Variants in HMGN2 observed in about 807,000 individuals in gnomAD.
HMGN2 encodes non-histone chromosomal protein HMG-17.
A neutral mutation model predicts 16.9 loss-of-function variants in HMGN2; 2 were observed. That is an observed-to-expected ratio of 0.12 (90% CI 0.05 to 0.37). HMGN2 has a LOEUF of 0.37. Ranked by LOEUF, HMGN2 falls within the 10% of genes least tolerant of loss-of-function variation. HMGN2 has a pLI of 1.00. For missense variants in HMGN2, 90 were observed against 106.0 expected (o/e 0.85, Z 0.66); for synonymous variants, 31 against 34.9 (o/e 0.89, Z 0.39).
At position 26,475,626 on chromosome 1, in the gene HMGN2, G is replaced by A; in HGVS notation, c.*478G>A. 1 of 319,562 alleles carries A rather than the reference G, an allele frequency of 3.1e-6. No homozygotes were observed. The highest frequency in any genetic ancestry group is 2.4e-5 in the South Asian group (1 of 40,996). The allele number at this position is 319,562 out of a possible 1,614,324, so 19.8% of individuals were successfully genotyped here. On this transcript the variant is annotated 3_prime_UTR_variant, in exon 6 of 6. Transcript: ENST00000361427. ...ACTTTCCAGTGATGCCACTGAGATG[G>A]CACCTGTCAAAAGAGCAGTGGTTCC... is the stretch of plus-strand genomic sequence containing the variant.
intron 5 of HMGN2, 58 bp downstream of exon 5, chr1:26,474,725 A>G: frequency 1.2e-6 from 1 of 837,136 alleles, no homozygotes; most frequent in East Asian, 2.5e-5. Context: ...TGCTGATATC[A>G]AAAATTTAAT....
chr1:26,476,441 T>C lies in HMGN2; in HGVS notation c.*1293T>C, dbSNP rs181900008. On this transcript the variant is annotated 3_prime_UTR_variant, in exon 6 of 6. Coordinates refer to ENST00000361427, the MANE Select transcript of HMGN2 (RefSeq NM_005517.4). ...AGGTAGATGACACTTTGCTCCTAAG[T>C]AGACCTGCAAACAAAGACAATGGGG... is the stretch of plus-strand genomic sequence containing the variant. Among the ~76,000 whole-genome samples, 230 of 152,312 alleles carry C rather than the reference T, an allele frequency of 1.5e-3. 1 individual carries two copies. Among genetic ancestry groups the C allele is most frequent in the Non-Finnish European group, 2.2e-3 (152 of 68,020 alleles).
chr1:26,472,890 G>GCCGCCC (rs1213647183), intron 1 of HMGN2, among the ~76,000 whole-genome samples: 1 of 151,664 alleles, frequency 6.6e-6, no homozygotes, highest in Non-Finnish European at 1.5e-5. Flanking sequence ...CCTCGGGCTC[G>GCCGCCC]CCGCCCCCGC....
Position 26,475,171 on chromosome 1 carries a change from GTGTACTTCTGGTGAC to G in HMGN2, c.*29_*43del, listed in dbSNP as rs1557462080. 3 of 1,465,950 alleles carry G rather than the reference GTGTACTTCTGGTGAC, an allele frequency of 2.0e-6. No individual in the cohort carries two copies. Among genetic ancestry groups the G allele is most frequent in the Non-Finnish European group, 2.9e-6 (3 of 1,047,878 alleles). The allele number at this position is 1,465,950 out of a possible 1,614,324, so 90.8% of individuals were successfully genotyped here. A position where few individuals can be genotyped will look rare whatever the true frequency, so the allele number is the denominator to read the frequency against. ...TGAAGTGTGTGCATTTTTGATAACTGTGTACTTCTGGTGACTGTACAGTTTGAAATACTATTTTTT... is the reference window on the plus strand; with the variant it reads ...TGAAGTGTGTGCATTTTTGATAACTGTGTACAGTTTGAAATACTATTTTTT... On this transcript the variant is annotated 3_prime_UTR_variant, in exon 6 of 6. Transcript: ENST00000361427.
At position 26,473,267 on chromosome 1, in the gene HMGN2, C is replaced by G. The variant is rs576944314; in HGVS notation, c.16-216C>G. 1.9e-5 allele frequency: 11 copies of G among 573,782 alleles called. No individual in the cohort carries two copies. The East Asian group carries it at 3.2e-4, about 17-fold the overall frequency. The allele number at this position is 573,782 out of a possible 1,614,324, so 35.5% of individuals were successfully genotyped here. ...CGGTGGTGCGGGCTCCGCTGCCCTC[C>G]CCGGCTGCGCTCCGGTCCAGCCCTC... On this transcript the variant is annotated intron_variant, in intron 1 of 5. Transcript: ENST00000361427.
In HMGN2 at chr1:26,472,534, C is replaced by T. The variant is rs1441583731; in HGVS notation, c.-79C>T. The T allele has an allele frequency of 7.3e-6, 11 of 1,515,222 alleles. No homozygotes were observed. The highest frequency in any genetic ancestry group is 4.1e-5 in the African/African-American group (3 of 72,380). 93.9% of individuals were successfully genotyped at this position (1,515,222 alleles called of 1,614,324 possible). A position where few individuals can be genotyped will look rare whatever the true frequency, so the allele number is the denominator to read the frequency against. On this transcript the variant is annotated 5_prime_UTR_variant, in exon 1 of 6. Transcript: ENST00000361427. ...CAGTGTGAAGAAGAGGCGAGAACGA[C>T]CCCCGGACCGACCAAAGCCCGCGCG...
chr1:26,473,721 A>G lies in HMGN2; in HGVS notation c.79A>G (p.Arg27Gly), dbSNP rs2124570057. The change falls in exon 3 of 6, where the codon AGG becomes GGG. Residue 27 changes from arginine (R) to glycine (G), a missense_variant. Physicochemically the swap from Arg to Gly is moderately radical, Grantham distance 125. Transcript: ENST00000361427. ...VKDEPQRRSA[R>G]LSAKPAPPKP... ...TTAATAGCCACAGAGAAGATCCGCG[A>G]GGTTGTCTGCTGTAAGTGTATGCTT... 1 of 1,613,768 alleles carries G rather than the reference A, an allele frequency of 6.2e-7. No homozygotes were observed. Among genetic ancestry groups the G allele is most frequent in the Non-Finnish European group, 8.5e-7 (1 of 1,179,904 alleles).
At chr1:26,474,692 T>G in intron 5 of HMGN2, 25 bp downstream of exon 5, 1 of 1,110,700 alleles carries the variant, frequency 9.0e-7, no homozygotes, top group South Asian at 1.3e-5. Context: ...TCACCCTTTG[T>G]TAGATTTGTT....
intron 5 of HMGN2, chr1:26,474,912 T>C: frequency 1.6e-6 from 1 of 611,124 alleles, no homozygotes; most frequent in South Asian, 2.0e-5. Flanking sequence ...CTGGTGTTCT[T>C]CCTACCTCAA....
rs780379104 is a variant in HMGN2 at position 26,475,190 on chromosome 1, A to G, written c.*42A>G. 7.9e-7 allele frequency: 1 copy of G among 1,259,328 alleles called. No homozygotes were observed. Among genetic ancestry groups the G allele is most frequent in the Non-Finnish European group, 1.1e-6 (1 of 878,608 alleles). 78.0% of individuals were successfully genotyped at this position (1,259,328 alleles called of 1,614,324 possible). On this transcript the variant is annotated 3_prime_UTR_variant, in exon 6 of 6. Transcript: ENST00000361427. ...ATAACTGTGTACTTCTGGTGACTGTACAGTTTGAAATACTATTTTTTATCA... is the reference window on the plus strand; with the variant it reads ...ATAACTGTGTACTTCTGGTGACTGTGCAGTTTGAAATACTATTTTTTATCA...
rs753972007 is a variant in HMGN2, at chr1:26,474,679, GT to G, written c.237+15del. On this transcript the variant is annotated intron_variant, in intron 5 of 5. Transcript: ENST00000361427. ...CCAAAACAGACCAGGTATAACTGCT[GT>G]TTCACCCTTTGTTAGATTTGTTCAT... 2.5e-5 allele frequency: 32 copies of G among 1,265,458 alleles called. No individual in the cohort carries two copies. The highest frequency in any genetic ancestry group is 3.5e-5 in the Non-Finnish European group (30 of 865,796). The allele number at this position is 1,265,458 out of a possible 1,614,324, so 78.4% of individuals were successfully genotyped here. A position where few individuals can be genotyped will look rare whatever the true frequency, so the allele number is the denominator to read the frequency against.
rs1064622 is a variant in HMGN2, at chr1:26,472,599, T to C, written c.-14T>C. On this transcript the variant is annotated 5_prime_UTR_variant, in exon 1 of 6. Transcript: ENST00000361427. The stretch of plus-strand genomic sequence containing the variant: ...GTCCAGCACCTACGTCCCGCTGCCG[T>C]CGCCGCCGCCACCATGCCCAAGAGA... The C allele has an allele frequency of 6.5e-7, 1 of 1,533,428 alleles. No homozygotes were observed. Among genetic ancestry groups the C allele is most frequent in the African/African-American group, 1.4e-5 (1 of 72,242 alleles). The allele number at this position is 1,533,428 out of a possible 1,614,324, so 95.0% of individuals were successfully genotyped here.
At chr1:26,473,896 G>C in intron 3 of HMGN2, 164 bp downstream of exon 3, 1 of 805,182 alleles carries the variant, frequency 1.2e-6, no homozygotes, top group Non-Finnish European at 2.0e-6. Context: ...AAATTCTGAT[G>C]CCTGTAGCCA....
Position 26,474,108 on chromosome 1 carries a change from G to C in HMGN2, c.114G>C (p.Glu38Asp). The change falls in exon 4 of 6, where the codon GAG (glutamate) becomes GAC (aspartate). Residue 38 changes from glutamate (E) to aspartate (D), a missense_variant. Transcript: ENST00000361427. ...LSAKPAPPKP[E>D]PKPKKAPAKK... is the part of the protein sequence containing the mutation. Reference sequence around the variant, plus strand: ...AGAAACCTGCTCCTCCAAAGCCAGAGCCCAAGCCTAAAAAGGCCCCTGCAA... The same window carrying C: ...AGAAACCTGCTCCTCCAAAGCCAGACCCCAAGCCTAAAAAGGCCCCTGCAA... The C allele has an allele frequency of 6.2e-7, 1 of 1,611,144 alleles. No homozygotes were observed.
Position 26,475,770 on chromosome 1 carries a change from CTCTAAACTTTCCCTGTTCAGAGCA to C in HMGN2, c.*625_*648del, listed in dbSNP as rs1283626978. ...GCTAAATGTGAAATGTCAACCCTCA[CTCTAAACTTTCCCTGTTCAGAGCA>C]TCAGATGAAGACTTCATTGGGTTTT... On this transcript the variant is annotated 3_prime_UTR_variant, in exon 6 of 6. Transcript: ENST00000361427. The C allele has an allele frequency of 2.9e-6, 1 of 341,554 alleles. No homozygotes were observed. The highest frequency in any genetic ancestry group is 5.7e-6 in the Non-Finnish European group (1 of 174,518). The allele number at this position is 341,554 out of a possible 1,614,324, so 21.2% of individuals were successfully genotyped here.
At chr1:26,474,166 C>G in intron 4 of HMGN2, 31 bp downstream of exon 4, 2 of 1,533,822 alleles carry the variant, frequency 1.3e-6, no homozygotes, top group Non-Finnish European at 1.8e-6. Flanking sequence ...TGATCATTTT[C>G]ACAGAATGAG....
chr1:26,473,050 C>T (rs1156399539), intron 1 of HMGN2, among the ~76,000 whole-genome samples: 1 of 151,196 alleles, frequency 6.6e-6, no homozygotes, highest in Non-Finnish European at 1.5e-5. Flanking sequence ...AGGGGCGGGG[C>T]TTGTGCGGTA....
At chr1:26,472,693 G>C in intron 1 of HMGN2, 66 bp downstream of exon 1, 1 of 1,411,520 alleles carries the variant, frequency 7.1e-7, no homozygotes, top group Non-Finnish European at 9.5e-7. Flanking sequence ...CGCCTCCCTG[G>C]TGCAGGGAGC....
rs113532604 is a variant in HMGN2, at chr1:26,473,824, G to A, written c.90+92G>A. 617 of 1,322,928 alleles carry A rather than the reference G, an allele frequency of 4.7e-4. 1 individual carries two copies. The Middle Eastern group carries it at 6.2e-3, about 13-fold the overall frequency. The allele number at this position is 1,322,928 out of a possible 1,614,324, so 81.9% of individuals were successfully genotyped here. On this transcript the variant is annotated intron_variant, in intron 3 of 5. Coordinates refer to ENST00000361427, the MANE Select transcript of HMGN2 (RefSeq NM_005517.4). ...TTTGCTTCCATGAATTATGGTTAGT[G>A]CCTGGTTTTGAATCATTGCCTCTAC...
Sources: gnomAD v4.1 joint callset for allele counts (sites outside exome capture counted in the v4.1 genomes callset) on GRCh38, gnomAD v4.1.1 for gene constraint, MANE v1.5 for transcripts, NCBI Gene and HGNC (gene_info 2026-07-23, HGNC 2026-07-21) for gene names.